The following MAGI1 variants were observed in gnomAD, a reference collection of about 807,000 sequenced individuals.
The protein encoded by MAGI1 is membrane associated guanylate kinase, WW and PDZ domain containing 1.
In MAGI1, 58 loss-of-function variants were observed where a neutral mutation model predicts 139.9. That is an observed-to-expected ratio of 0.41 (90% CI 0.34 to 0.52). The LOEUF (loss-of-function observed/expected upper bound fraction) is 0.52, where lower values mean the gene tolerates loss of function less well. MAGI1 is among the 20% of genes least tolerant of loss of function. MAGI1 has a pLI of 0.12. For missense variants in MAGI1, 1,874 were observed against 1,901.6 expected (o/e 0.99, Z 0.27); for synonymous variants, 812 against 737.9 (o/e 1.10, Z -1.63).
intron 1 of MAGI1, among the ~76,000 whole-genome samples, chr3:66,031,392 C>A (rs938726210): frequency 6.6e-6 from 1 of 152,166 alleles, no homozygotes; most frequent in African/African-American, 2.4e-5. Flanking sequence ...CCACTTAATT[C>A]CCCTTGGTGG....
chr3:65,911,339 T>A (rs571197135), intron 1 of MAGI1, among the ~76,000 whole-genome samples: 2 of 151,946 alleles, frequency 1.3e-5, no homozygotes, highest in South Asian at 4.2e-4. Flanking sequence ...CAGAAAAGGG[T>A]TGGAGTTGGC....
In MAGI1 at chr3:65,676,969, A is replaced by G. The variant is rs542573188; in HGVS notation, c.314-54881T>C. ...TACCAGATGTACTTAATTTAATTCA[A>G]CAATTATTAATTCAATGACTCCCGT... On this transcript the variant is annotated intron_variant, in intron 1 of 22. Transcript: ENST00000402939. Among the ~76,000 whole-genome samples, 3 of 152,338 alleles carry G rather than the reference A, an allele frequency of 2.0e-5. No individual in the cohort carries two copies. The East Asian group carries it at 5.8e-4, about 29-fold the overall frequency.
intron 1 of MAGI1, among the ~76,000 whole-genome samples, chr3:65,980,791 AC>A (rs2065533404): frequency 6.6e-6 from 1 of 152,202 alleles, no homozygotes; most frequent in Admixed American, 6.5e-5. Flanking sequence ...TGTAGAGCTT[AC>A]CCCGTCCAAT....
chr3:65,354,213 A>G lies in MAGI1; in HGVS notation c.*2165T>C, dbSNP rs1030903207. The G allele has an allele frequency of 6.6e-6, 1 of 152,460 alleles. No homozygotes were observed. Among genetic ancestry groups the G allele is most frequent in the East Asian group, 1.9e-4 (1 of 5,186 alleles). The allele number at this position is 152,460 out of a possible 1,614,324, so 9.4% of individuals were successfully genotyped here. ...AAAAAGAACATCATTATTCAGTTGT[A>G]CTCTTCCTCAGCCTTACTACAGCTC... On this transcript the variant is annotated 3_prime_UTR_variant, in exon 23 of 23. Transcript: ENST00000402939.
intron 1 of MAGI1, among the ~76,000 whole-genome samples, chr3:65,727,670 T>C (rs1354294100): frequency 6.6e-6 from 1 of 152,230 alleles, no homozygotes; most frequent in Admixed American, 6.5e-5. Context: ...TCCAGATGCA[T>C]TCACACATTG....
intron 5 of MAGI1, among the ~76,000 whole-genome samples, chr3:65,458,728 A>G (rs1330435246): frequency 6.6e-6 from 1 of 152,062 alleles, no homozygotes; most frequent in East Asian, 1.9e-4. Context: ...TCAGATGGAC[A>G]GTTTGCAAAT....
At chr3:65,673,388 C>A (rs138070010) in intron 1 of MAGI1, among the ~76,000 whole-genome samples, 14 of 152,034 alleles carry the variant, frequency 9.2e-5, no homozygotes, top group Admixed American at 4.6e-4. Context: ...TGTTTTTTTA[C>A]GTAAAAACAT....
intron 2 of MAGI1, among the ~76,000 whole-genome samples, chr3:65,515,412 G>C (rs1559627797): frequency 6.6e-6 from 1 of 151,950 alleles, no homozygotes; most frequent in Non-Finnish European, 1.5e-5. Context: ...AACAGAAAAT[G>C]AAACATCTAA....
In MAGI1 at chr3:65,943,101, A is replaced by C. The variant is rs971057518; in HGVS notation, c.313+94895T>G. ...ATATAAGTGCTTGTTAAACAAATAC[A>C]ATCTATATAACTCTTGTTATTTGAT... On this transcript the variant is annotated intron_variant, in intron 1 of 22. Coordinates refer to ENST00000402939, the MANE Select transcript of MAGI1 (RefSeq NM_001033057.2). Among the ~76,000 whole-genome samples, 4 of 152,246 alleles carry C rather than the reference A, an allele frequency of 2.6e-5. No homozygotes were observed. In the East Asian group the frequency reaches 7.7e-4, roughly 29 times the overall value.
intron 1 of MAGI1, among the ~76,000 whole-genome samples, chr3:65,884,606 T>A (rs993801775): frequency 1.3e-5 from 2 of 152,208 alleles, no homozygotes; most frequent in African/African-American, 4.8e-5. Context: ...TTTTTCTTTT[T>A]TTTTAAGATT....
At position 65,933,449 on chromosome 3, in the gene MAGI1, C is replaced by T. The variant is rs2062896911; in HGVS notation, c.313+104547G>A. Among the ~76,000 whole-genome samples the T allele has an allele frequency of 5.9e-5, 9 of 152,148 alleles. No homozygotes were observed. In the South Asian group the frequency reaches 1.9e-3, roughly 32 times the overall value. On this transcript the variant is annotated intron_variant, in intron 1 of 22. Transcript: ENST00000402939. ...CTTTCTCATTGGTTGCTTGTCTGTCCTCATACTATAGCAGCTAGCCTTCCC... is the reference window on the plus strand; with the variant it reads ...CTTTCTCATTGGTTGCTTGTCTGTCTTCATACTATAGCAGCTAGCCTTCCC...
At chr3:65,667,852 C>T (rs1208926136) in intron 1 of MAGI1, among the ~76,000 whole-genome samples, 2 of 152,284 alleles carry the variant, frequency 1.3e-5, no homozygotes. Flanking sequence ...GCATGACCCA[C>T]CGCACCCAGC....
intron 2 of MAGI1, among the ~76,000 whole-genome samples, chr3:65,608,520 A>G (rs2082869496): frequency 6.6e-6 from 1 of 152,230 alleles, no homozygotes; most frequent in Non-Finnish European, 1.5e-5. Context: ...ATAGACAATG[A>G]GCATTTGAAA....
In MAGI1 at chr3:65,448,052, C is replaced by T; in HGVS notation, c.1048G>A (p.Val350Ile). ...PLEECEDDEG[V>I]HTEELDSELE... ...TCACTGTCCAGCTCCTCGGTGTGTA[C>T]CCCTTCTTCTCCAAAGGAATAGCAG... The change falls in exon 7 of 23, where the codon GTA becomes ATA. Residue 350 changes from valine (V) to isoleucine (I), a missense_variant. This residue lies in a region of MAGI1 where 648 missense variants were observed against 598.1 expected (regional missense o/e 1.08). Transcript: ENST00000402939. 1 of 1,613,994 alleles carries T rather than the reference C, an allele frequency of 6.2e-7. No individual in the cohort carries two copies. The highest frequency in any genetic ancestry group is 8.5e-7 in the Non-Finnish European group (1 of 1,179,956).
At chr3:65,443,551 T>G (rs763605063) in intron 7 of MAGI1, among the ~76,000 whole-genome samples, 31 of 152,314 alleles carry the variant, frequency 2.0e-4, no homozygotes, top group Non-Finnish European at 3.7e-4. Context: ...TCTACAGAAC[T>G]TCCTAAGGTT....
chr3:65,933,680 T>C (rs1044774922), intron 1 of MAGI1, among the ~76,000 whole-genome samples: 8 of 152,128 alleles, frequency 5.3e-5, no homozygotes, highest in Admixed American at 1.3e-4. Context: ...TAGCTACAAT[T>C]GGCTAGATTA....
At chr3:65,721,350 T>C (rs904806126) in intron 1 of MAGI1, among the ~76,000 whole-genome samples, 1 of 152,210 alleles carries the variant, frequency 6.6e-6, no homozygotes, top group Non-Finnish European at 1.5e-5. Context: ...CCCTTACTTA[T>C]AATTCATCAT....
At chr3:65,691,299 T>C (rs1240089815) in intron 1 of MAGI1, among the ~76,000 whole-genome samples, 1 of 75,146 alleles carries the variant, frequency 1.3e-5, no homozygotes, top group African/African-American at 4.7e-5. Flanking sequence ...CAAGACTCCG[T>C]CTCAAAAAAA....
At chr3:65,830,211 G>A (rs1303601539) in intron 1 of MAGI1, among the ~76,000 whole-genome samples, 3 of 151,990 alleles carry the variant, frequency 2.0e-5, no homozygotes, top group African/African-American at 2.4e-5. Flanking sequence ...TTGAGGCATC[G>A]CAGTTGTTCT....
Sources: gnomAD v4.1 joint callset for allele counts (sites outside exome capture counted in the v4.1 genomes callset) on GRCh38, gnomAD v4.1.1 for gene constraint, gnomAD v4.1.1 regional missense constraint, MANE v1.5 for transcripts, NCBI Gene and HGNC (gene_info 2026-07-23, HGNC 2026-07-21) for gene names.